GLCCI1: variants seen among roughly 807,000 people sequenced by gnomAD.
GLCCI1 encodes glucocorticoid induced 1.
A neutral mutation model predicts 52.2 loss-of-function variants in GLCCI1; 24 were observed. The ratio of observed to expected loss-of-function variants is 0.46; its 90% CI spans 0.33 to 0.65. The LOEUF is 0.65. Ranked by LOEUF, GLCCI1 falls within the 30% of genes least tolerant of loss-of-function variation. The pLI, the probability that GLCCI1 is intolerant of heterozygous loss-of-function variation, is 0.02. For synonymous variants in GLCCI1, 310 were observed against 276.5 expected (o/e 1.12, Z -1.20); for missense variants, 704 against 701.5 (o/e 1.00, Z -0.04).
intron 5 of GLCCI1, among the ~76,000 whole-genome samples, chr7:8,061,915 C>T (rs1188988120): frequency 2.0e-5 from 3 of 152,074 alleles, no homozygotes; most frequent in African/African-American, 7.2e-5. Context: ...GATCCGCCCA[C>T]CTCGGCCTCC....
intron 2 of GLCCI1, among the ~76,000 whole-genome samples, chr7:8,007,618 G>A (rs1781181679): frequency 6.6e-6 from 1 of 152,164 alleles, no homozygotes; most frequent in Admixed American, 6.5e-5. Flanking sequence ...TGAACTCTTA[G>A]GGTGGGAAGA....
Position 8,086,152 on chromosome 7 carries a change from G to A in GLCCI1, c.1299-41G>A, listed in dbSNP as rs755874957. 1.3e-5 allele frequency: 19 copies of A among 1,499,902 alleles called. No individual in the cohort carries two copies. Among genetic ancestry groups the A allele is most frequent in the Admixed American group, 4.2e-5 (2 of 47,122 alleles). 92.9% of individuals were successfully genotyped at this position (1,499,902 alleles called of 1,614,324 possible). On this transcript the variant is annotated intron_variant, in intron 7 of 7. Transcript: ENST00000223145. The surrounding 1 kb of genome is among the most constrained non-coding windows in gnomAD (Gnocchi z 4.4). The stretch of plus-strand genomic sequence containing the variant: ...ATTCAGAAAATGCTTAACTTTTTCT[G>A]TGTTCATGATTATAAATCTAATTTT...
At position 7,973,409 on chromosome 7, in the gene GLCCI1, T is replaced by TGTGC. The variant is rs563751287; in HGVS notation, c.457+3606_457+3609dup. Among the ~76,000 whole-genome samples, 847 of 131,282 alleles carry TGTGC rather than the reference T, an allele frequency of 6.5e-3. 4 individuals are homozygous for TGTGC. The highest frequency in any genetic ancestry group is 0.027 in the African/African-American group (790 of 29,590). 86.1% of individuals were successfully genotyped at this position (131,282 alleles called of 152,430 possible). On this transcript the variant is annotated intron_variant, in intron 1 of 7. Transcript: ENST00000223145. ...AGTAAGTAGGAAATGCAAATCTTTG[T>TGTGC]GTGCGTGTGTGTGTGTGTGTGTGTG...
At chr7:8,037,080 C>T (rs2191319) in intron 3 of GLCCI1, among the ~76,000 whole-genome samples, 144,668 of 152,230 alleles carry the variant, frequency 0.95, 68,826 homozygotes, top group East Asian at 1. Flanking sequence ...CAAGATGACT[C>T]GACCAAAATA....
chr7:7,988,918 A>G (rs774510302), intron 1 of GLCCI1, among the ~76,000 whole-genome samples: 1 of 152,098 alleles, frequency 6.6e-6, no homozygotes, highest in Non-Finnish European at 1.5e-5. Context: ...GCTAAATGAT[A>G]AAGAACACTT....
At chr7:8,084,549 T>A (rs1009146124) in intron 6 of GLCCI1, 5 of 179,632 alleles carry the variant, frequency 2.8e-5, no homozygotes, top group African/African-American at 1.2e-4. Flanking sequence ...TATAATCTGT[T>A]TTATTCTTCT....
intron 1 of GLCCI1, among the ~76,000 whole-genome samples, chr7:7,998,054 T>A (rs1562421715): frequency 6.6e-6 from 1 of 151,936 alleles, no homozygotes; most frequent in Non-Finnish European, 1.5e-5. Flanking sequence ...ATTAAATTAT[T>A]AAAATCTACA....
chr7:7,981,238 ATTTC>A (rs144970801), intron 1 of GLCCI1: 95 of 253,574 alleles, frequency 3.7e-4, no homozygotes, highest in East Asian at 1.8e-3. Flanking sequence ...ATCCTCTGTT[ATTTC>A]TTTCTTTCTT....
At chr7:8,001,195 T>C (rs1263019304) in intron 1 of GLCCI1, among the ~76,000 whole-genome samples, 1 of 152,194 alleles carries the variant, frequency 6.6e-6, no homozygotes, top group Non-Finnish European at 1.5e-5. Context: ...CCTTTCCATG[T>C]TTAATGCTTC....
At chr7:7,996,941 G>T (rs1780949664) in intron 1 of GLCCI1, among the ~76,000 whole-genome samples, 1 of 152,198 alleles carries the variant, frequency 6.6e-6, no homozygotes, top group African/African-American at 2.4e-5. Flanking sequence ...TTCACAACTT[G>T]TGTCCTTCCT....
intron 5 of GLCCI1, among the ~76,000 whole-genome samples, chr7:8,066,446 C>T (rs913767329): frequency 1.3e-5 from 2 of 151,826 alleles, no homozygotes; most frequent in African/African-American, 2.4e-5. Context: ...AGTTAGTTTG[C>T]TCTTGTTTCT....
At chr7:8,075,942 G>GTGTT (rs1782867992) in intron 6 of GLCCI1, among the ~76,000 whole-genome samples, 1 of 152,110 alleles carries the variant, frequency 6.6e-6, no homozygotes, top group South Asian at 2.1e-4. Flanking sequence ...TAAACTTTTA[G>GTGTT]TGTTAGGACT....
rs976534427 is a variant in GLCCI1, at chr7:8,086,806, G to C, written c.*268G>C. 1 of 355,350 alleles carries C rather than the reference G, an allele frequency of 2.8e-6. No homozygotes were observed. The highest frequency in any genetic ancestry group is 2.1e-5 in the African/African-American group (1 of 48,262). 22.0% of individuals were successfully genotyped at this position (355,350 alleles called of 1,614,324 possible). A position where few individuals can be genotyped will look rare whatever the true frequency, so the allele number is the denominator to read the frequency against. ...ATAGTATATTTGACAGATTAGTACT[G>C]TGTCCTGTGTTTTGTTCCAGATTCT... On this transcript the variant is annotated 3_prime_UTR_variant, in exon 8 of 8. Coordinates refer to ENST00000223145, the MANE Select transcript of GLCCI1 (RefSeq NM_138426.4). The surrounding 1 kb of genome is among the most constrained non-coding windows in gnomAD (Gnocchi z 4.4).
chr7:7,989,750 C>T (rs906459112), intron 1 of GLCCI1, among the ~76,000 whole-genome samples: 12 of 152,114 alleles, frequency 7.9e-5, no homozygotes, highest in Admixed American at 2.0e-4. Context: ...TGACAACATT[C>T]TTGCCTTTTA....
intron 2 of GLCCI1, among the ~76,000 whole-genome samples, chr7:8,017,426 C>T (rs1781402481): frequency 1.3e-5 from 2 of 152,162 alleles, no homozygotes; most frequent in African/African-American, 4.8e-5. Flanking sequence ...GGTTTTCAAA[C>T]TTTAGAATCC....
chr7:8,064,841 G>A (rs1432550324), intron 5 of GLCCI1, among the ~76,000 whole-genome samples: 2 of 152,018 alleles, frequency 1.3e-5, no homozygotes, highest in Admixed American at 1.3e-4. Flanking sequence ...CCGAGCAGCT[G>A]GCACTACAAG....
Position 8,071,091 on chromosome 7 carries a change from C to A in GLCCI1, c.1137C>A (p.Ser379Arg). 3.1e-6 allele frequency: 5 copies of A among 1,614,162 alleles called. No individual in the cohort carries two copies. The highest frequency in any genetic ancestry group is 1.7e-5 in the Admixed American group (1 of 60,024). ...GTCCCCCGGAATCCCAGGATGGTAG[C>A]CCTTGCTCAACAGAAGATTTGCTCT... ...PFCPPESQDGSPCSTEDLLYD... is the reference protein window; with the variant it reads ...PFCPPESQDGRPCSTEDLLYD... The change falls in exon 6 of 8, where the codon AGC (serine) becomes AGA (arginine). Residue 379 changes from serine (S) to arginine (R), a missense_variant. Transcript: ENST00000223145.
intron 1 of GLCCI1, among the ~76,000 whole-genome samples, chr7:7,983,828 G>T (rs1780670287): frequency 6.6e-6 from 1 of 152,076 alleles, no homozygotes; most frequent in Admixed American, 6.6e-5. Flanking sequence ...TTCATTTAAG[G>T]CCTGTTATTC....
intron 5 of GLCCI1, among the ~76,000 whole-genome samples, chr7:8,069,811 G>A (rs1325213149): frequency 1.3e-5 from 2 of 152,130 alleles, no homozygotes; most frequent in African/African-American, 4.8e-5. Flanking sequence ...CCTCTTGACA[G>A]TTTTTCTAAA....
Sources: gnomAD v4.1 joint callset for allele counts (sites outside exome capture counted in the v4.1 genomes callset) on GRCh38, gnomAD v4.1.1 for gene constraint, Gnocchi (gnomAD v3.1) non-coding constraint, MANE v1.5 for transcripts, NCBI Gene and HGNC (gene_info 2026-07-23, HGNC 2026-07-21) for gene names.